NCKAP5: variants seen among roughly 807,000 people sequenced by gnomAD.
The protein encoded by NCKAP5 is NCK associated protein 5.
NCKAP5 carries 92 observed loss-of-function variants against 167.0 expected under a neutral mutation model. The ratio of observed to expected loss-of-function variants is 0.55; its 90% CI spans 0.47 to 0.66. NCKAP5 has a LOEUF of 0.66. Among genes scored for constraint, NCKAP5 ranks in the 30% least tolerant of loss-of-function variants. The probability of loss-of-function intolerance (pLI) is 0.00; values close to 1 mark genes in which losing one functional copy is unlikely to be tolerated. For missense variants in NCKAP5, 2,378 were observed against 2,315.0 expected, an observed-to-expected ratio of 1.03 and a Z score of -0.56; for synonymous variants, 891 against 877.4, an observed-to-expected ratio of 1.02 and a Z score of -0.27.
chr2:132,693,534 A>G (rs1464972195), intron 19 of NCKAP5, among the ~76,000 whole-genome samples: 2 of 151,868 alleles, frequency 1.3e-5, no homozygotes, highest in East Asian at 3.9e-4. Context: ...GAAGCTAGGA[A>G]TGCAAGCAGG....
intron 11 of NCKAP5, among the ~76,000 whole-genome samples, chr2:132,806,521 A>G (rs1307129234): frequency 6.6e-6 from 1 of 151,844 alleles, no homozygotes; most frequent in Non-Finnish European, 1.5e-5. Flanking sequence ...TGATCATTAG[A>G]GATATTGAGC....
the NCKAP5 span, among the ~76,000 whole-genome samples, chr2:133,625,439 AAATG>A: frequency 0.053 from 8,056 of 152,216 alleles, 323 homozygotes; most frequent in Non-Finnish European, 0.09. Context: ...CTCCTTGGAT[AAATG>A]AATGATCCCA....
At chr2:133,464,907 T>G (rs1692448790) in intron 3 of NCKAP5, among the ~76,000 whole-genome samples, 1 of 151,872 alleles carries the variant, frequency 6.6e-6, no homozygotes, top group East Asian at 1.9e-4. Flanking sequence ...TGAAGCTTGA[T>G]GTTTCCATCT....
chr2:133,504,213 T>C (rs1016775423), intron 3 of NCKAP5, among the ~76,000 whole-genome samples: 1 of 122,042 alleles, frequency 8.2e-6, no homozygotes, highest in Non-Finnish European at 1.8e-5. Context: ...ATGAGGAATC[T>C]TTCTGGGAAG....
rs553692827 is a variant in NCKAP5 at position 132,940,660 on chromosome 2, T to C, written c.579+23060A>G. On this transcript the variant is annotated intron_variant, in intron 8 of 19. Transcript: ENST00000409261. The stretch of plus-strand genomic sequence containing the variant: ...ACGGTAGGAATCATTGTAGGTATCA[T>C]TGTGGTAGGTACTTATGATGAAATG... Among the ~76,000 whole-genome samples, 5 of 152,306 alleles carry C rather than the reference T, an allele frequency of 3.3e-5. No homozygotes were observed. In the South Asian group the frequency reaches 6.2e-4, roughly 19 times the overall value.
chr2:133,522,558 G>A (rs1485003335), intron 2 of NCKAP5, among the ~76,000 whole-genome samples: 2 of 152,156 alleles, frequency 1.3e-5, no homozygotes, highest in Non-Finnish European at 2.9e-5. Context: ...GTTCCCCTAG[G>A]TAGTATAACA....
Position 132,783,929 on chromosome 2 carries a change from GGGACCCT to G in NCKAP5, c.2875_2881del (p.Arg959ProfsTer14). 6.4e-7 allele frequency: 1 copy of G among 1,572,542 alleles called. No individual in the cohort carries two copies. The highest frequency in any genetic ancestry group is 8.6e-7 in the Non-Finnish European group (1 of 1,163,824). ...GAATGGGGTCCTTGCTGTTTCACTGGGGACCCTGGTTTCGGACTTGGTGGATGAAGGT... is the reference window on the plus strand; with the variant it reads ...GAATGGGGTCCTTGCTGTTTCACTGGGGTTTCGGACTTGGTGGATGAAGGT... On this transcript the variant is annotated frameshift_variant, in exon 14 of 20. Transcript: ENST00000409261. LOFTEE classifies it high-confidence loss of function.
intron 19 of NCKAP5, among the ~76,000 whole-genome samples, chr2:132,705,772 C>T (rs1056277119): frequency 1.3e-5 from 2 of 152,232 alleles, no homozygotes; most frequent in South Asian, 4.2e-4. Flanking sequence ...CTAGAAAGAA[C>T]CTTAGAATTC....
intron 5 of NCKAP5, among the ~76,000 whole-genome samples, chr2:133,159,927 G>A (rs2083718881): frequency 6.6e-6 from 1 of 152,054 alleles, no homozygotes; most frequent in African/African-American, 2.4e-5. Context: ...AAAGTATGAT[G>A]GGGAGCAAAA....
intron 6 of NCKAP5, among the ~76,000 whole-genome samples, chr2:133,060,717 T>A (rs1460977554): frequency 6.6e-6 from 1 of 152,218 alleles, no homozygotes; most frequent in Non-Finnish European, 1.5e-5. Context: ...GAGTAAAGAA[T>A]ATAAGCTTTG....
At chr2:133,122,610 A>C (rs1392447022) in intron 6 of NCKAP5, 3 of 152,200 alleles carry the variant, frequency 2.0e-5, no homozygotes, top group Non-Finnish European at 2.9e-5. Context: ...CAAGTTCCCC[A>C]GTATTTAATT....
chr2:133,050,803 T>A (rs1339532975), intron 6 of NCKAP5, among the ~76,000 whole-genome samples: 2 of 152,212 alleles, frequency 1.3e-5, no homozygotes, highest in African/African-American at 4.8e-5. Context: ...GAATAAAAGG[T>A]CACTTACTTT....
intron 13 of NCKAP5, among the ~76,000 whole-genome samples, chr2:132,786,022 T>C (rs943050786): frequency 1.1e-4 from 16 of 151,898 alleles, no homozygotes; most frequent in African/African-American, 3.9e-4. Flanking sequence ...AGGGAGAAAA[T>C]GGGAAGTGCA....
chr2:133,290,913 A>G (rs1247349200), intron 4 of NCKAP5, among the ~76,000 whole-genome samples: 1 of 151,714 alleles, frequency 6.6e-6, no homozygotes, highest in African/African-American at 2.4e-5. Context: ...CACCACTTCC[A>G]GCTAATTTTT....
chr2:132,748,891 C>A (rs1286994356), intron 16 of NCKAP5, among the ~76,000 whole-genome samples: 1 of 151,824 alleles, frequency 6.6e-6, no homozygotes, highest in African/African-American at 2.4e-5. Flanking sequence ...TCAAGCAATT[C>A]TCCTGTCTCA....
chr2:133,094,705 T>C (rs1032713236), intron 6 of NCKAP5, among the ~76,000 whole-genome samples: 1 of 152,208 alleles, frequency 6.6e-6, no homozygotes, highest in African/African-American at 2.4e-5. Flanking sequence ...AGGTTACTAA[T>C]AAGTTGACTT....
intron 16 of NCKAP5, among the ~76,000 whole-genome samples, chr2:132,773,039 C>T (rs1276348610): frequency 7.2e-5 from 11 of 152,278 alleles, no homozygotes; most frequent in Non-Finnish European, 5.9e-5. Flanking sequence ...ATGTGACTTG[C>T]GGAAGTGATT....
At chr2:132,975,856 T>C (rs1190798676) in intron 7 of NCKAP5, among the ~76,000 whole-genome samples, 10 of 152,094 alleles carry the variant, frequency 6.6e-5, no homozygotes, top group Admixed American at 6.6e-4. Context: ...TATCCTGTTT[T>C]CTAAAGGAAT....
chr2:133,191,431 C>T (rs952104414), intron 5 of NCKAP5, among the ~76,000 whole-genome samples: 3 of 151,970 alleles, frequency 2.0e-5, no homozygotes, highest in Admixed American at 6.6e-5. Context: ...GGGTGTATAC[C>T]CAAAGGACAA....
Sources: allele counts gnomAD v4.1 joint callset (sites outside exome capture counted in the v4.1 genomes callset), GRCh38; gene constraint gnomAD v4.1.1; transcripts MANE v1.5; gene names NCBI Gene and HGNC (gene_info 2026-07-23, HGNC 2026-07-21).